DNAI2: variants seen among roughly 807,000 people sequenced by gnomAD.
The protein encoded by DNAI2 is dynein axonemal intermediate chain 2, also known as dynein, axonemal, intermediate polypeptide 2.
Under a neutral mutation model 74.7 loss-of-function variants are expected in DNAI2, and 63 were observed. The ratio of observed to expected loss-of-function variants is 0.84; its 90% CI spans 0.69 to 1.04. DNAI2 has a LOEUF of 1.04. DNAI2 is among the 50% of genes least tolerant of loss of function. DNAI2 has a pLI of 0.00. For synonymous variants in DNAI2, 289 were observed against 314.9 expected, an observed-to-expected ratio of 0.92 and a Z score of 0.87; for missense variants, 688 against 803.2, an observed-to-expected ratio of 0.86 and a Z score of 1.73.
chr17:74,287,812 G>T (rs1052207804), intron 4 of DNAI2, among the ~76,000 whole-genome samples: 22 of 152,198 alleles, frequency 1.4e-4, no homozygotes, highest in Middle Eastern at 3.2e-3. Context: ...AAAATTAACT[G>T]GGTGTGGTGG....
At chr17:74,278,730 T>TGCCAC (rs1284008507) in intron 1 of DNAI2, among the ~76,000 whole-genome samples, 1 of 151,602 alleles carries the variant, frequency 6.6e-6, no homozygotes, top group East Asian at 1.9e-4. Flanking sequence ...TGAGCAGATA[T>TGCCAC]GCCACTCCAC....
rs1490406659 is a variant in DNAI2, at chr17:74,287,009, C to T, written c.378C>T (p.Ala126=). 9 of 1,613,866 alleles carry T rather than the reference C, an allele frequency of 5.6e-6. No individual in the cohort carries two copies. The South Asian group carries it at 9.9e-5, about 18-fold the overall frequency. ...IMEHCIKQNN[A]IDIYEEYFND... is the part of the protein sequence containing the mutation. ...AGCACTGCATCAAGCAGAACAATGC[C>T]ATTGACATCTATGAAGAGTATTTCA... Residue 126 remains alanine (A), a synonymous_variant, in exon 4 of 14, where the codon GCC becomes GCT. Transcript: ENST00000311014.
At chr17:74,285,958 C>CACATATATAT (rs1555608177) in intron 3 of DNAI2, among the ~76,000 whole-genome samples, 1 of 111,770 alleles carries the variant, frequency 8.9e-6, no homozygotes, top group East Asian at 2.3e-4. Context: ...CACACACACA[C>CACATATATAT]ATATATATAT....
At chr17:74,304,969 C>T (rs1037792370) in intron 8 of DNAI2, among the ~76,000 whole-genome samples, 1 of 152,190 alleles carries the variant, frequency 6.6e-6, no homozygotes, top group Non-Finnish European at 1.5e-5. Flanking sequence ...TGACAACCCT[C>T]CAGGACTGGA....
chr17:74,281,551 C>A, intron 1 of DNAI2: 1 of 587,382 alleles, frequency 1.7e-6, no homozygotes, highest in South Asian at 2.2e-5. Context: ...AGCTACCGCG[C>A]CTGGCCAAAA....
chr17:74,276,457 G>A (rs2143834234), intron 1 of DNAI2, among the ~76,000 whole-genome samples: 1 of 152,272 alleles, frequency 6.6e-6, no homozygotes, highest in East Asian at 1.9e-4. Context: ...AGACACTCCT[G>A]CTCAGGCCTT....
At chr17:74,275,297 C>G (rs2050998934) in intron 1 of DNAI2, among the ~76,000 whole-genome samples, 1 of 152,158 alleles carries the variant, frequency 6.6e-6, no homozygotes. Flanking sequence ...CTTCACTTTC[C>G]TTGGGGGGCT....
intron 8 of DNAI2, 101 bp downstream of exon 8, chr17:74,301,269 A>G (rs2052745338): frequency 6.3e-7 from 1 of 1,576,896 alleles, no homozygotes; most frequent in African/African-American, 1.4e-5. Flanking sequence ...GGAACCCAGC[A>G]CCAGCCCAGG....
intron 6 of DNAI2, among the ~76,000 whole-genome samples, chr17:74,296,851 AG>A (rs2144004681): frequency 6.6e-6 from 1 of 152,290 alleles, no homozygotes; most frequent in South Asian, 2.1e-4. Flanking sequence ...GGAACTGCAG[AG>A]TGTGCGATCT....
At chr17:74,304,854 C>A (rs2053088702) in intron 8 of DNAI2, among the ~76,000 whole-genome samples, 1 of 152,194 alleles carries the variant, frequency 6.6e-6, no homozygotes, top group African/African-American at 2.4e-5. Flanking sequence ...CACCCTGCAT[C>A]CCCTCCCTGG....
chr17:74,308,738 T>C (rs1461171043), intron 9 of DNAI2, among the ~76,000 whole-genome samples: 1 of 151,898 alleles, frequency 6.6e-6, no homozygotes, highest in Middle Eastern at 3.2e-3. Flanking sequence ...TCCAGGCTGG[T>C]CTCAAAATCC....
chr17:74,304,624 G>A (rs943016115), intron 8 of DNAI2, among the ~76,000 whole-genome samples: 9 of 152,186 alleles, frequency 5.9e-5, no homozygotes, highest in Non-Finnish European at 1.0e-4. Context: ...AGCTCAGTTC[G>A]TGGGCGATGG....
intron 10 of DNAI2, 132 bp from the exon 11 acceptor site, chr17:74,309,885 C>T: frequency 8.2e-7 from 1 of 1,216,686 alleles, no homozygotes; most frequent in South Asian, 1.2e-5. Flanking sequence ...TGAACTTCAT[C>T]CTGTGGGCAG....
At chr17:74,283,283 T>G (rs2051497276) in intron 2 of DNAI2, among the ~76,000 whole-genome samples, 1 of 152,174 alleles carries the variant, frequency 6.6e-6, no homozygotes, top group African/African-American at 2.4e-5. Flanking sequence ...GTGGTAAATT[T>G]TATGTTACAT....
chr17:74,301,882 G>A (rs1413107140), intron 8 of DNAI2, among the ~76,000 whole-genome samples: 1 of 27,366 alleles, frequency 3.7e-5, no homozygotes, highest in African/African-American at 1.9e-4. Flanking sequence ...AAGGAAGGAA[G>A]GAAGGAAGGA....
chr17:74,309,469 A>G lies in DNAI2; in HGVS notation c.1347+81A>G, dbSNP rs1394840208. 1.9e-6 allele frequency: 3 copies of G among 1,594,758 alleles called. No individual in the cohort carries two copies. In the South Asian group the frequency reaches 3.3e-5, roughly 18 times the overall value. ...GTGGGTGTGAGTGTGGGGTGCTGTG[A>G]GCACGTGTGCAGTGTGTGGCCAGGT... On this transcript the variant is annotated intron_variant, in intron 10 of 13. Transcript: ENST00000311014.
chr17:74,300,972 G>T lies in DNAI2; in HGVS notation c.865-74G>T. The stretch of plus-strand genomic sequence containing the variant: ...CAGTGGCTGACCCCAGGACGGTGGG[G>T]TGAGGGCGGAGAAGGCAAAAGCCAG... On this transcript the variant is annotated intron_variant, in intron 7 of 13. Transcript: ENST00000311014. This position sits in a 1 kb window ranked among gnomAD's most constrained non-coding sequence, Gnocchi z 4.5. 6.3e-7 allele frequency: 1 copy of T among 1,599,738 alleles called. No homozygotes were observed. The highest frequency in any genetic ancestry group is 8.5e-7 in the Non-Finnish European group (1 of 1,173,150).
At chr17:74,310,874 T>C (rs2144119832) in intron 11 of DNAI2, among the ~76,000 whole-genome samples, 1 of 151,530 alleles carries the variant, frequency 6.6e-6, no homozygotes, top group East Asian at 2.0e-4. Context: ...TATCAGTTTA[T>C]TTTATTTTAC....
At chr17:74,285,001 A>G (rs781268054) in intron 2 of DNAI2, 39 bp from the exon 3 acceptor site, 1 of 1,613,632 alleles carries the variant, frequency 6.2e-7, no homozygotes, top group African/African-American at 1.3e-5. Context: ...TTGGGAGTAT[A>G]CCAGGGTGAC....
Sources: gnomAD v4.1 joint callset for allele counts (sites outside exome capture counted in the v4.1 genomes callset) on GRCh38, gnomAD v4.1.1 for gene constraint, Gnocchi (gnomAD v3.1) non-coding constraint, MANE v1.5 for transcripts, NCBI Gene and HGNC (gene_info 2026-07-23, HGNC 2026-07-21) for gene names.